Variants in CA9 observed in about 807,000 individuals in gnomAD.
The protein encoded by CA9 is carbonic anhydrase 9.
Under a neutral mutation model 51.8 loss-of-function variants are expected in CA9, and 43 were observed. The ratio of observed to expected loss-of-function variants is 0.83; its 90% CI spans 0.65 to 1.07. The LOEUF is 1.07. Among genes scored for constraint, CA9 ranks in the 50% least tolerant of loss-of-function variants. CA9 has a pLI of 0.00. For missense variants in CA9, 574 were observed against 581.4 expected, an observed-to-expected ratio of 0.99 and a Z score of 0.13; for synonymous variants, 253 against 244.2, an observed-to-expected ratio of 1.04 and a Z score of -0.34.
At chr9:35,674,608 A>T in intron 1 of CA9, 1 of 435,554 alleles carries the variant, frequency 2.3e-6, no homozygotes. Context: ...GAGAAGGGGG[A>T]GGCTGGAGAA....
At chr9:35,679,035 T>C (rs2131839602) in intron 6 of CA9, 150 bp from the exon 7 acceptor site, 1 of 741,150 alleles carries the variant, frequency 1.3e-6, no homozygotes, top group Non-Finnish European at 2.2e-6. Flanking sequence ...TTTTTTGAGT[T>C]ACGTCTTATG....
intron 3 of CA9, 46 bp from the exon 4 acceptor site, chr9:35,676,018 C>T: frequency 6.2e-7 from 1 of 1,607,860 alleles, no homozygotes; most frequent in Non-Finnish European, 8.5e-7. Flanking sequence ...GGGGGTTGGG[C>T]TGGCCCTACC....
intron 9 of CA9, 164 bp from the exon 10 acceptor site, chr9:35,680,589 G>C (rs539948457): frequency 2.7e-5 from 17 of 626,850 alleles, no homozygotes; most frequent in East Asian, 8.2e-5. Context: ...ACCCCTTCTC[G>C]TGTATCCACC....
At position 35,681,064 on chromosome 9, in the gene CA9, C is replaced by A. The variant is rs375827172; in HGVS notation, c.*39C>A. 3 of 1,583,292 alleles carry A rather than the reference C, an allele frequency of 1.9e-6. No individual in the cohort carries two copies. Among genetic ancestry groups the A allele is most frequent in the South Asian group, 1.1e-5 (1 of 89,540 alleles). ...GAGAATGTGAGAAGCCAGCCAGAGG[C>A]ATCTGAGGGGGAGCCGGTAACTGTC... On this transcript the variant is annotated 3_prime_UTR_variant, in exon 11 of 11. Coordinates refer to ENST00000378357, the MANE Select transcript of CA9 (RefSeq NM_001216.3).
intron 7 of CA9, 91 bp downstream of exon 7, chr9:35,679,433 G>A: frequency 6.8e-7 from 1 of 1,479,302 alleles, no homozygotes; most frequent in South Asian, 1.3e-5. Context: ...AATCAAGGCT[G>A]GGCTCTGTGG....
Position 35,679,838 on chromosome 9 carries a change from C to T in CA9, c.1066-16C>T. 1 of 1,585,278 alleles carries T rather than the reference C, an allele frequency of 6.3e-7. No individual in the cohort carries two copies. The highest frequency in any genetic ancestry group is 8.6e-7 in the Non-Finnish European group (1 of 1,166,826). ...CATGCCATGAACCCACCCACACTGT[C>T]CACTGACCTCCCTAGCTCCACACCC... On this transcript the variant is annotated splice_polypyrimidine_tract_variant and intron_variant, in intron 7 of 10. Transcript: ENST00000378357.
At chr9:35,677,082 T>C (rs1446969875) in intron 5 of CA9, among the ~76,000 whole-genome samples, 1 of 152,028 alleles carries the variant, frequency 6.6e-6, no homozygotes, top group Non-Finnish European at 1.5e-5. Flanking sequence ...CTCAAACTCC[T>C]GGCCTCAAGT....
chr9:35,678,270 C>T (rs929660830), intron 6 of CA9, among the ~76,000 whole-genome samples: 10 of 148,106 alleles, frequency 6.8e-5, no homozygotes, highest in African/African-American at 2.0e-4. Context: ...GGCATGAACC[C>T]GGGAGGCAGA....
chr9:35,679,366 A>C lies in CA9; in HGVS notation c.1065+24A>C. On this transcript the variant is annotated intron_variant, in intron 7 of 10. Transcript: ENST00000378357. Reference sequence around the variant, plus strand: ...AGGTGGGCCTGGGGTGTGTGTGGACACAGTGGGTGCGGGGGAAAGAGGATG... The same window carrying C: ...AGGTGGGCCTGGGGTGTGTGTGGACCCAGTGGGTGCGGGGGAAAGAGGATG... 1.9e-6 allele frequency: 3 copies of C among 1,600,172 alleles called. 1 individual carries two copies. The South Asian group carries it at 3.3e-5, about 18-fold the overall frequency.
intron 7 of CA9, 149 bp from the exon 8 acceptor site, chr9:35,679,705 T>G: frequency 1.3e-6 from 1 of 748,066 alleles, no homozygotes; most frequent in Non-Finnish European, 2.1e-6. Context: ...TTAGGATACA[T>G]TTATTTATTT....
intron 5 of CA9, 124 bp from the exon 6 acceptor site, chr9:35,677,666 T>C (rs1446342660): frequency 2.8e-6 from 2 of 719,614 alleles, no homozygotes; most frequent in Non-Finnish European, 4.8e-6. Flanking sequence ...TACAATTTTA[T>C]GTTCCCTCAG....
Position 35,676,223 on chromosome 9 carries a change from C to G in CA9, c.747+17C>G. ...CCTGCCGAGGTGAGCGCGGAGCTGG[C>G]CGAGAAGGGGCAAAGGAGCGGGGCG... On this transcript the variant is annotated intron_variant, in intron 4 of 10. Coordinates refer to ENST00000378357, the MANE Select transcript of CA9 (RefSeq NM_001216.3). 6.2e-7 allele frequency: 1 copy of G among 1,611,958 alleles called. No individual in the cohort carries two copies. Among genetic ancestry groups the G allele is most frequent in the South Asian group, 1.1e-5 (1 of 90,838 alleles).
At chr9:35,680,864 A>C in intron 10 of CA9, 30 bp downstream of exon 10, 1 of 1,612,832 alleles carries the variant, frequency 6.2e-7, no homozygotes, top group Non-Finnish European at 8.5e-7. Flanking sequence ...TTCAGGCACA[A>C]GCTTCCCCCA....
rs182419459 is a variant in CA9, at chr9:35,679,106, G to A, written c.908-79G>A. 39 of 1,498,852 alleles carry A rather than the reference G, an allele frequency of 2.6e-5. No homozygotes were observed. The African/African-American group carries it at 4.7e-4, about 18-fold the overall frequency. The allele number at this position is 1,498,852 out of a possible 1,614,324, so 92.8% of individuals were successfully genotyped here. On this transcript the variant is annotated intron_variant, in intron 6 of 10. Transcript: ENST00000378357. The stretch of plus-strand genomic sequence containing the variant: ...AGTTGAGTTACCTTGGCTTCTGGGA[G>A]GTGAAACTGTATCCCTATACCCTGA...
At chr9:35,676,489 A>G in intron 5 of CA9, 100 bp downstream of exon 5, 1 of 951,918 alleles carries the variant, frequency 1.1e-6, no homozygotes, top group Non-Finnish European at 1.6e-6. Flanking sequence ...AAGCTCACTC[A>G]GGCCCCTGGC....
chr9:35,676,321 G>A lies in CA9; in HGVS notation c.772G>A (p.Ala258Thr), dbSNP rs760622510. 5.6e-6 allele frequency: 9 copies of A among 1,614,018 alleles called. No homozygotes were observed. The highest frequency in any genetic ancestry group is 6.8e-6 in the Non-Finnish European group (8 of 1,180,010). The change falls in exon 5 of 11, where the codon GCC becomes ACC. Residue 258 changes from alanine to threonine, a missense_variant. Transcript: ENST00000378357. Reference sequence around the variant, plus strand: ...GATCCACGTGGTTCACCTCAGCACCGCCTTTGCCAGAGTTGACGAGGCCTT... The same window carrying A: ...GATCCACGTGGTTCACCTCAGCACCACCTTTGCCAGAGTTGACGAGGCCTT... The part of the protein sequence containing the change: ...AEIHVVHLST[A>T]FARVDEALGR...
chr9:35,675,655 G>A, intron 2 of CA9, 88 bp downstream of exon 2: 1 of 1,540,616 alleles, frequency 6.5e-7, no homozygotes, highest in South Asian at 1.1e-5. Flanking sequence ...CTGGTCCCGG[G>A]CGTCCCACCC....
Position 35,674,001 on chromosome 9 carries a change from C to T in CA9, c.42C>T (p.Ile14=), listed in dbSNP as rs374429736. The change falls in exon 1 of 11, where the codon ATC becomes ATT. Residue 14 remains isoleucine (I), a synonymous_variant. Transcript: ENST00000378357. ...CCAGCCCCTGGCTCCCTCTGTTGAT[C>T]CCGGCCCCTGCTCCAGGCCTCACTG... ...LCPSPWLPLL[I]PAPAPGLTVQ... is the part of the protein sequence containing the mutation. 1.2e-6 allele frequency: 2 copies of T among 1,611,600 alleles called. No homozygotes were observed. The highest frequency in any genetic ancestry group is 1.7e-6 in the Non-Finnish European group (2 of 1,178,660).
Position 35,680,805 on chromosome 9 carries a change from G to T in CA9, c.1290G>T (p.Ala430=). 6.2e-7 allele frequency: 1 copy of T among 1,614,202 alleles called. No individual in the cohort carries two copies. The highest frequency in any genetic ancestry group is 8.5e-7 in the Non-Finnish European group (1 of 1,180,040). The change falls in exon 10 of 11, where the codon GCG becomes GCT. Residue 430 remains alanine (A), a synonymous_variant. Transcript: ENST00000378357. ...FGLLFAVTSV[A]FLVQMRRQHR... ...TCCTTTTTGCTGTCACCAGCGTCGC[G>T]TTCCTTGTGCAGATGAGAAGGCAGC...
Sources: allele counts gnomAD v4.1 joint callset (sites outside exome capture counted in the v4.1 genomes callset), GRCh38; gene constraint gnomAD v4.1.1; transcripts MANE v1.5; gene names NCBI Gene and HGNC (gene_info 2026-07-23, HGNC 2026-07-21).